Variants in FOXP2 observed in about 807,000 individuals in gnomAD.
FOXP2 encodes forkhead box protein P2.
In FOXP2, 12 loss-of-function variants were observed where a neutral mutation model predicts 115.8. The observed-to-expected ratio is 0.10, with a 90% CI of 0.07 to 0.17. The LOEUF is 0.17. FOXP2 is among the 10% of genes least tolerant of loss of function. The probability of loss-of-function intolerance (pLI) is 1.00; values close to 1 mark genes in which losing one functional copy is unlikely to be tolerated. For synonymous variants in FOXP2, 328 were observed against 297.7 expected, an observed-to-expected ratio of 1.10 and a Z score of -1.05; for missense variants, 629 against 843.5, an observed-to-expected ratio of 0.75 and a Z score of 3.15.
intron 1 of FOXP2, among the ~76,000 whole-genome samples, chr7:114,284,303 T>G (rs1483649270): frequency 6.6e-6 from 1 of 151,958 alleles, no homozygotes; most frequent in Non-Finnish European, 1.5e-5. Flanking sequence ...ATCCCTTACA[T>G]ATTCCTAACC....
intron 3 of FOXP2, among the ~76,000 whole-genome samples, chr7:114,567,985 G>A (rs763507859): frequency 2.3e-4 from 35 of 152,042 alleles, no homozygotes; most frequent in African/African-American, 7.5e-4. Flanking sequence ...TTACTTAAAA[G>A]CATTTGCCTT....
intron 1 of FOXP2, among the ~76,000 whole-genome samples, chr7:114,125,099 G>A (rs906320766): frequency 3.3e-5 from 5 of 152,050 alleles, no homozygotes; most frequent in African/African-American, 1.2e-4. Context: ...TCAGCCTTTG[G>A]CTAGTTTGTG....
chr7:114,551,494 A>C (rs1312601592), intron 3 of FOXP2, among the ~76,000 whole-genome samples: 7 of 152,228 alleles, frequency 4.6e-5, no homozygotes, highest in Admixed American at 2.6e-4. Flanking sequence ...CATCACTTAC[A>C]GATGAGCAGA....
intron 1 of FOXP2, among the ~76,000 whole-genome samples, chr7:114,132,580 TGTGA>T (rs901234071): frequency 6.7e-5 from 4 of 59,590 alleles, no homozygotes; most frequent in African/African-American, 1.8e-4. Context: ...TGTGTGTGTG[TGTGA>T]GAGAGAGAGA....
intron 16 of FOXP2, chr7:114,665,814 A>G (rs1399054429): frequency 6.6e-6 from 1 of 152,162 alleles, no homozygotes; most frequent in Non-Finnish European, 1.5e-5. Flanking sequence ...CAATCAGACA[A>G]AAGTTTTTAT....
chr7:114,576,429 G>T (rs1801579967), intron 3 of FOXP2, among the ~76,000 whole-genome samples: 1 of 151,646 alleles, frequency 6.6e-6, no homozygotes, highest in African/African-American at 2.4e-5. Context: ...TCTTGATGTT[G>T]GTTCCAAGAA....
chr7:114,244,133 T>C (rs1406085), intron 1 of FOXP2, among the ~76,000 whole-genome samples: 3 of 152,106 alleles, frequency 2.0e-5, no homozygotes, highest in Non-Finnish European at 4.4e-5. Context: ...TAATTTTTTA[T>C]AGTAAAATGT....
intron 2 of FOXP2, among the ~76,000 whole-genome samples, chr7:114,462,650 C>A (rs1584766064): frequency 6.6e-6 from 1 of 152,088 alleles, no homozygotes; most frequent in Non-Finnish European, 1.5e-5. Flanking sequence ...GGATTACAGG[C>A]GTGAGCCACC....
rs546256887 is a variant in FOXP2 at position 114,236,295 on chromosome 7, T to C, written c.-101-51724T>C. ...TGAAGTTTCTGTAGGATGGAAAAAA[T>C]CTGTAGTAATTTATTATTTTCAGGC... On this transcript the variant is annotated intron_variant, in intron 1 of 17. Coordinates refer to the FOXP2 transcript ENST00000634411. Among the ~76,000 whole-genome samples the C allele has an allele frequency of 4.6e-5, 7 of 152,346 alleles. No individual in the cohort carries two copies. The South Asian group carries it at 8.3e-4, about 18-fold the overall frequency.
At chr7:114,339,353 G>A (rs1394562719) in intron 2 of FOXP2, among the ~76,000 whole-genome samples, 1 of 151,232 alleles carries the variant, frequency 6.6e-6, no homozygotes, top group African/African-American at 2.4e-5. Context: ...GTTATTAAAT[G>A]TGATTTAAAT....
intron 2 of FOXP2, among the ~76,000 whole-genome samples, chr7:114,338,495 T>G (rs1159303800): frequency 6.6e-6 from 1 of 151,036 alleles, no homozygotes; most frequent in Non-Finnish European, 1.5e-5. Context: ...AATAAGAAAA[T>G]GTGCTAAATC....
At chr7:114,641,959 T>C (rs1014945688) in intron 6 of FOXP2, among the ~76,000 whole-genome samples, 2 of 151,714 alleles carry the variant, frequency 1.3e-5, no homozygotes, top group Non-Finnish European at 2.9e-5. Context: ...GTATGTGACA[T>C]CACACCCAGC....
At chr7:114,528,543 A>C (rs1798984362) in intron 2 of FOXP2, among the ~76,000 whole-genome samples, 1 of 152,018 alleles carries the variant, frequency 6.6e-6, no homozygotes, top group Non-Finnish European at 1.5e-5. Flanking sequence ...TATGTATTTT[A>C]TTCTTCCAAA....
At chr7:114,518,755 C>T (rs1305254804) in intron 2 of FOXP2, among the ~76,000 whole-genome samples, 1 of 152,134 alleles carries the variant, frequency 6.6e-6, no homozygotes, top group Non-Finnish European at 1.5e-5. Flanking sequence ...ATCTTCCCGC[C>T]TCGGCCTCCC....
chr7:114,150,802 T>A (rs1792510332), intron 1 of FOXP2, among the ~76,000 whole-genome samples: 2 of 151,984 alleles, frequency 1.3e-5, no homozygotes, highest in Non-Finnish European at 2.9e-5. Context: ...GAACTATGTG[T>A]TTCTAGCAGG....
chr7:114,297,358 G>T (rs953183913), intron 2 of FOXP2: 2 of 703,852 alleles, frequency 2.8e-6, no homozygotes, highest in East Asian at 3.8e-5. Context: ...CTGTGCCTGG[G>T]CTTGCTCACG....
intron 2 of FOXP2, among the ~76,000 whole-genome samples, chr7:114,525,859 C>T (rs1798830535): frequency 6.6e-6 from 1 of 152,114 alleles, no homozygotes; most frequent in African/African-American, 2.4e-5. Context: ...TGCCTGTAAT[C>T]CCAGCACTTT....
At chr7:114,185,472 A>G (rs897688968) in intron 1 of FOXP2, among the ~76,000 whole-genome samples, 1 of 152,200 alleles carries the variant, frequency 6.6e-6, no homozygotes, top group Non-Finnish European at 1.5e-5. Flanking sequence ...ATTAAATCAA[A>G]CTTTGCAATA....
intron 2 of FOXP2, among the ~76,000 whole-genome samples, chr7:114,359,609 G>A: frequency 6.6e-6 from 1 of 152,220 alleles, no homozygotes; most frequent in East Asian, 1.9e-4. Context: ...AAGACCATGG[G>A]AACCCACCTC....
Sources: gnomAD v4.1 joint callset for allele counts (sites outside exome capture counted in the v4.1 genomes callset) on GRCh38, gnomAD v4.1.1 for gene constraint, MANE v1.5 for transcripts, NCBI Gene and HGNC (gene_info 2026-07-23, HGNC 2026-07-21) for gene names.